CDKAL1: variants seen among roughly 807,000 people sequenced by gnomAD.
The protein encoded by CDKAL1 is CDKAL1 threonylcarbamoyladenosine tRNA methylthiotransferase, also known as threonylcarbamoyladenosine tRNA methylthiotransferase.
Under a neutral mutation model 68.2 loss-of-function variants are expected in CDKAL1, and 32 were observed. The observed-to-expected ratio is 0.47, with a 90% confidence interval of 0.35 to 0.63. The LOEUF (loss-of-function observed/expected upper bound fraction) is 0.63, where lower values mean the gene tolerates loss of function less well. Ranked by LOEUF, CDKAL1 falls within the 30% of genes least tolerant of loss-of-function variation. CDKAL1 has a pLI of 0.00. For synonymous variants in CDKAL1, 234 were observed against 244.3 expected (o/e 0.96, Z 0.39); for missense variants, 606 against 696.7 (o/e 0.87, Z 1.47).
rs528285297 is a variant in CDKAL1, at chr6:21,050,209, G to A, written c.1056-14839G>A. 2.0e-4 allele frequency among the ~76,000 whole-genome samples: 30 copies of A among 152,266 alleles called. 2 individuals are homozygous for A. Among genetic ancestry groups the A allele is most frequent in the African/African-American group, 7.0e-4 (29 of 41,552 alleles). On this transcript the variant is annotated intron_variant, in intron 11 of 15. Coordinates refer to ENST00000274695, the MANE Select transcript of CDKAL1 (RefSeq NM_017774.3). The stretch of plus-strand genomic sequence containing the variant: ...GGCCATCTTTGATTATAAATATTAT[G>A]TATAATTAATATGTTAGTTGTATTT...
At chr6:20,820,733 T>C (rs1365813619) in intron 8 of CDKAL1, among the ~76,000 whole-genome samples, 3 of 152,124 alleles carry the variant, frequency 2.0e-5, no homozygotes, top group East Asian at 3.9e-4. Context: ...AGTAGTACTT[T>C]CTTTCATATA....
At chr6:20,560,294 A>G (rs1237971843) in intron 4 of CDKAL1, among the ~76,000 whole-genome samples, 1 of 152,190 alleles carries the variant, frequency 6.6e-6, no homozygotes, top group Non-Finnish European at 1.5e-5. Flanking sequence ...AATTGGACAA[A>G]TTGACCCTTT....
intron 5 of CDKAL1, among the ~76,000 whole-genome samples, chr6:20,661,032 G>T (rs1769261926): frequency 6.6e-6 from 1 of 152,140 alleles, no homozygotes; most frequent in Non-Finnish European, 1.5e-5. Context: ...TGACTTGATA[G>T]AGGATTTTGT....
intron 9 of CDKAL1, among the ~76,000 whole-genome samples, chr6:20,910,560 A>C (rs1377813712): frequency 6.6e-6 from 1 of 152,178 alleles, no homozygotes; most frequent in Non-Finnish European, 1.5e-5. Flanking sequence ...ATTAGATTAG[A>C]GTTCTCTTGG....
At chr6:20,865,117 A>G (rs1437974062) in intron 9 of CDKAL1, among the ~76,000 whole-genome samples, 2 of 152,070 alleles carry the variant, frequency 1.3e-5, no homozygotes, top group Non-Finnish European at 2.9e-5. Flanking sequence ...GGTGCTTGTT[A>G]TCTCTGTTTT....
intron 2 of CDKAL1, among the ~76,000 whole-genome samples, chr6:20,540,604 C>T (rs1310493017): frequency 2.6e-5 from 4 of 151,772 alleles, no homozygotes; most frequent in Admixed American, 1.3e-4. Context: ...TGCAGGTGCC[C>T]ACCACCATGC....
At chr6:20,618,611 G>A (rs1767035398) in intron 4 of CDKAL1, among the ~76,000 whole-genome samples, 1 of 152,078 alleles carries the variant, frequency 6.6e-6, no homozygotes, top group East Asian at 1.9e-4. Flanking sequence ...AGCGTGTCCA[G>A]GCATATTCCC....
At chr6:20,799,039 A>ATTTTTTTTTTTTTTTTT (rs1776241521) in intron 8 of CDKAL1, among the ~76,000 whole-genome samples, 1 of 26,262 alleles carries the variant, frequency 3.8e-5, no homozygotes, top group African/African-American at 1.1e-4. Context: ...AAAAGAACTG[A>ATTTTTTTTTTTTTTTTT]GTTTTTTTTT....
intron 7 of CDKAL1, among the ~76,000 whole-genome samples, chr6:20,779,846 C>T (rs1319636324): frequency 6.6e-6 from 1 of 152,112 alleles, no homozygotes; most frequent in Non-Finnish European, 1.5e-5. Context: ...CAGGTGTGAG[C>T]AACCATGCCT....
At chr6:20,856,912 CAG>C (rs1441168349) in intron 9 of CDKAL1, among the ~76,000 whole-genome samples, 1 of 152,184 alleles carries the variant, frequency 6.6e-6, no homozygotes, top group African/African-American at 2.4e-5. Context: ...ATTGATTCCG[CAG>C]AGTCTGCAGT....
At position 21,079,976 on chromosome 6, in the gene CDKAL1, C is replaced by CTCTGTGTGTGTGTG. The variant is rs1554171489; in HGVS notation, c.1236+14749_1236+14750insCTGTGTGTGTGTGT. Among the ~76,000 whole-genome samples, 50 of 135,842 alleles carry CTCTGTGTGTGTGTG rather than the reference C, an allele frequency of 3.7e-4. No homozygotes were observed. The East Asian group carries it at 5.3e-3, about 14-fold the overall frequency. The allele number at this position is 135,842 out of a possible 152,430, so 89.1% of individuals were successfully genotyped here. On this transcript the variant is annotated intron_variant, in intron 12 of 15. Coordinates refer to ENST00000274695, the MANE Select transcript of CDKAL1 (RefSeq NM_017774.3). ...TAAGATAAGCTTATCAACTTTGTCT[C>CTCTGTGTGTGTGTG]TGTGTGTGTGTGTGTGTGTGTGTGT...
chr6:20,757,182 T>G (rs1431262531), intron 6 of CDKAL1, among the ~76,000 whole-genome samples: 1 of 152,010 alleles, frequency 6.6e-6, no homozygotes, highest in Non-Finnish European at 1.5e-5. Flanking sequence ...ATCTGCCCCC[T>G]CCTAGGCCTC....
At chr6:20,865,181 G>A (rs1466773936) in intron 9 of CDKAL1, among the ~76,000 whole-genome samples, 1 of 152,162 alleles carries the variant, frequency 6.6e-6, no homozygotes, top group Non-Finnish European at 1.5e-5. Flanking sequence ...GTAAAATTGA[G>A]ATTTCCTGAT....
intron 9 of CDKAL1, among the ~76,000 whole-genome samples, chr6:20,889,698 G>C (rs1051471605): frequency 6.6e-6 from 1 of 152,114 alleles, no homozygotes; most frequent in Non-Finnish European, 1.5e-5. Context: ...TGAGTGCTCT[G>C]TTCTGTTCCA....
intron 4 of CDKAL1, among the ~76,000 whole-genome samples, chr6:20,644,479 CA>C (rs1221222893): frequency 1.3e-5 from 2 of 152,008 alleles, no homozygotes; most frequent in Admixed American, 1.3e-4. Context: ...AGATTGAGAC[CA>C]TCCTGGCTAA....
At chr6:21,002,289 C>A (rs921754705) in intron 11 of CDKAL1, among the ~76,000 whole-genome samples, 8 of 152,116 alleles carry the variant, frequency 5.3e-5, no homozygotes, top group African/African-American at 1.7e-4. Flanking sequence ...ACTGGAGGAT[C>A]CTAGAACCAA....
At chr6:20,611,469 G>C (rs1316729021) in intron 4 of CDKAL1, among the ~76,000 whole-genome samples, 1 of 152,098 alleles carries the variant, frequency 6.6e-6, no homozygotes, top group African/African-American at 2.4e-5. Context: ...GTATATGATA[G>C]ATGGGGAAGA....
At chr6:20,677,426 T>C (rs1280663402) in intron 5 of CDKAL1, among the ~76,000 whole-genome samples, 1 of 151,798 alleles carries the variant, frequency 6.6e-6, no homozygotes, top group Non-Finnish European at 1.5e-5. Context: ...ACGAAGGCTT[T>C]ATTTTTTTTT....
At chr6:21,143,314 C>G (rs1394638058) in intron 13 of CDKAL1, among the ~76,000 whole-genome samples, 2 of 152,154 alleles carry the variant, frequency 1.3e-5, no homozygotes, top group Non-Finnish European at 2.9e-5. Context: ...CAACGTTTCT[C>G]TAGTCTGTAG....
Sources: allele counts gnomAD v4.1 joint callset (sites outside exome capture counted in the v4.1 genomes callset), GRCh38; gene constraint gnomAD v4.1.1; transcripts MANE v1.5; gene names NCBI Gene and HGNC (gene_info 2026-07-23, HGNC 2026-07-21).